ZNF236: variants seen among roughly 807,000 people sequenced by gnomAD.
The protein encoded by ZNF236 is zinc finger protein 236, also known as regulated by glucose.
In ZNF236, 50 loss-of-function variants were observed where a neutral mutation model predicts 191.2. The observed-to-expected ratio is 0.26, with a 90% CI of 0.21 to 0.33. ZNF236 has a LOEUF of 0.33. Among genes scored for constraint, ZNF236 ranks in the 10% least tolerant of loss-of-function variants. The pLI, the probability that ZNF236 is intolerant of heterozygous loss-of-function variation, is 1.00. For synonymous variants in ZNF236, 907 were observed against 928.8 expected (o/e 0.98, Z 0.43); for missense variants, 1,754 against 2,374.5 (o/e 0.74, Z 5.43).
intron 9 of ZNF236, among the ~76,000 whole-genome samples, chr18:76,890,786 T>C (rs771381325): frequency 5.9e-5 from 9 of 152,202 alleles, no homozygotes; most frequent in Non-Finnish European, 1.0e-4. Flanking sequence ...TTTTGTGAGC[T>C]ATATTTGTGG....
chr18:76,908,963 CTGTGTGTGTGTGTG>C (rs10524379), intron 14 of ZNF236, among the ~76,000 whole-genome samples: 36,350 of 146,920 alleles, frequency 0.25, 5,071 homozygotes, highest in East Asian at 0.32. Context: ...ATGTGTGTGT[CTGTGTGTGTGTGTG>C]TGTGTGTGTG....
intron 25 of ZNF236, chr18:76,930,968 CAATG>C (rs2122856586): frequency 6.6e-6 from 1 of 152,246 alleles, no homozygotes; most frequent in South Asian, 2.1e-4. Context: ...ACTGAAATGA[CAATG>C]AAAACTTTGA....
At chr18:76,967,957 T>C (rs980722967) in intron 30 of ZNF236, among the ~76,000 whole-genome samples, 2 of 152,196 alleles carry the variant, frequency 1.3e-5, no homozygotes, top group Non-Finnish European at 2.9e-5. Context: ...TTCCTGATGC[T>C]GTGTTAATGT....
chr18:76,963,989 T>G (rs1968718165), intron 30 of ZNF236, among the ~76,000 whole-genome samples: 1 of 152,222 alleles, frequency 6.6e-6, no homozygotes, highest in South Asian at 2.1e-4. Context: ...TAGTAGTCTA[T>G]CAATTTTATT....
At chr18:76,910,855 G>C (rs537935096) in intron 16 of ZNF236, 44 bp downstream of exon 16, 42 of 1,595,656 alleles carry the variant, frequency 2.6e-5, no homozygotes, top group Non-Finnish European at 3.3e-5. Context: ...TATTTAGCAG[G>C]TGCTATGTTA....
chr18:76,962,858 C>T (rs1416907105), intron 30 of ZNF236, among the ~76,000 whole-genome samples: 1 of 151,878 alleles, frequency 6.6e-6, no homozygotes, highest in Non-Finnish European at 1.5e-5. Flanking sequence ...GGGGTTGACT[C>T]CTTGATTTGA....
chr18:76,882,045 C>A (rs572251912), intron 9 of ZNF236, among the ~76,000 whole-genome samples: 10 of 152,350 alleles, frequency 6.6e-5, no homozygotes, highest in South Asian at 6.2e-4. Context: ...TGTCACCTGT[C>A]CCCTGCATTT....
At chr18:76,825,736 A>G (rs1423440394) in intron 1 of ZNF236, among the ~76,000 whole-genome samples, 1 of 152,212 alleles carries the variant, frequency 6.6e-6, no homozygotes, top group Non-Finnish European at 1.5e-5. Context: ...ATCAATAGAT[A>G]TAACTTACAT....
chr18:76,905,073 G>A (rs919146600), intron 12 of ZNF236, 82 bp from the exon 13 acceptor site: 19 of 1,359,326 alleles, frequency 1.4e-5, no homozygotes, highest in Non-Finnish European at 1.8e-5. Flanking sequence ...GAAGTGAAGC[G>A]AAATGCAAGA....
intron 30 of ZNF236, among the ~76,000 whole-genome samples, chr18:76,965,673 C>A (rs1453928346): frequency 6.6e-6 from 1 of 152,210 alleles, no homozygotes; most frequent in Non-Finnish European, 1.5e-5. Flanking sequence ...TCTAGCCGCC[C>A]AGCAAGTCCA....
chr18:76,903,182 T>G (rs1977649492), intron 11 of ZNF236, among the ~76,000 whole-genome samples: 1 of 152,256 alleles, frequency 6.6e-6, no homozygotes, highest in Non-Finnish European at 1.5e-5. Flanking sequence ...TTGGTTGGGC[T>G]GTCAAATTCC....
At position 76,919,893 on chromosome 18, in the gene ZNF236, A is replaced by G; in HGVS notation, c.3392A>G (p.Gln1131Arg). 2 of 1,614,194 alleles carry G rather than the reference A, an allele frequency of 1.2e-6. No homozygotes were observed. Among genetic ancestry groups the G allele is most frequent in the Middle Eastern group, 1.6e-4 (1 of 6,062 alleles). Residue 1131 changes from glutamine (Q) to arginine (R), a missense_variant, in exon 20 of 31, where the codon CAG becomes CGG. This residue lies in a region of ZNF236 where 641 missense variants were observed against 869.6 expected (regional missense o/e 0.74). Transcript: ENST00000320610. The surrounding 1 kb of genome is among the most constrained non-coding windows in gnomAD (Gnocchi z 5.3). ...GCCCAGTTAGCCAAGATCCGGCCGC[A>G]GGAGAGCGCCACGGTGTCAGAGAAG... ...ETAQLAKIRP[Q>R]ESATVSEKVL...
chr18:76,908,712 T>C (rs778965319), intron 14 of ZNF236, 139 bp downstream of exon 14: 2 of 1,084,700 alleles, frequency 1.8e-6, no homozygotes, highest in Non-Finnish European at 2.6e-6. Context: ...TTGAATTGAG[T>C]ATTTGATATC....
At position 76,837,422 on chromosome 18, in the gene ZNF236, T is replaced by C. The variant is rs77888646; in HGVS notation, c.56-12104T>C. ...TGAAGTGAAGGTCTGAATTCCTTTTTTTCTTTTTCTTTTTCTTTTTTTTTT... is the reference window on the plus strand; with the variant it reads ...TGAAGTGAAGGTCTGAATTCCTTTTCTTCTTTTTCTTTTTCTTTTTTTTTT... On this transcript the variant is annotated intron_variant, in intron 1 of 30. Transcript: ENST00000320610. Among the ~76,000 whole-genome samples the C allele has an allele frequency of 2.8e-4, 40 of 145,158 alleles. No homozygotes were observed. The East Asian group carries it at 7.3e-3, about 27-fold the overall frequency.
chr18:76,948,880 A>G (rs1352333131), intron 27 of ZNF236, among the ~76,000 whole-genome samples: 1 of 152,210 alleles, frequency 6.6e-6, no homozygotes. Context: ...GGCCTTCACC[A>G]TAAGTCACAT....
At position 76,971,004 on chromosome 18, in the gene ZNF236, C is replaced by T. The variant is rs1282185929; in HGVS notation, c.*2665C>T. On this transcript the variant is annotated 3_prime_UTR_variant, in exon 31 of 31. Coordinates refer to ENST00000320610, the MANE Select transcript of ZNF236 (RefSeq NM_001306089.2). ...CCCTTTCATTTGCTGCTTTATTCAA[C>T]GGCACCCAGTCATTGAGGAACCTTT... 3.9e-5 allele frequency among the ~76,000 whole-genome samples: 6 copies of T among 152,232 alleles called. No homozygotes were observed. The highest frequency in any genetic ancestry group is 5.9e-5 in the Non-Finnish European group (4 of 68,044).
chr18:76,866,059 A>C (rs1200689364), intron 3 of ZNF236, among the ~76,000 whole-genome samples: 1 of 152,252 alleles, frequency 6.6e-6, no homozygotes, highest in Non-Finnish European at 1.5e-5. Context: ...TTTTTAAATC[A>C]CTTAGGAATT....
intron 1 of ZNF236, among the ~76,000 whole-genome samples, chr18:76,827,961 C>T (rs1975062826): frequency 6.6e-6 from 1 of 152,112 alleles, no homozygotes; most frequent in African/African-American, 2.4e-5. Context: ...TTTAGTTGGC[C>T]TCCTGCTGTT....
chr18:76,958,318 A>G (rs1034275883), intron 28 of ZNF236, among the ~76,000 whole-genome samples: 5 of 152,212 alleles, frequency 3.3e-5, no homozygotes, highest in Non-Finnish European at 7.3e-5. Flanking sequence ...GGGTAAGCCT[A>G]ACTGCACCCT....
Sources: allele counts gnomAD v4.1 joint callset (sites outside exome capture counted in the v4.1 genomes callset), GRCh38; gene constraint gnomAD v4.1.1; regional missense constraint gnomAD v4.1.1; non-coding constraint Gnocchi (gnomAD v3.1); transcripts MANE v1.5; gene names NCBI Gene and HGNC (gene_info 2026-07-23, HGNC 2026-07-21).